MTA3: variants seen among roughly 807,000 people sequenced by gnomAD.
MTA3 encodes the protein metastasis-associated protein MTA3.
Under a neutral mutation model 83.5 loss-of-function variants are expected in MTA3, and 34 were observed. The ratio of observed to expected loss-of-function variants is 0.41; its 90% CI spans 0.31 to 0.54. The LOEUF is 0.54. MTA3 is among the 20% of genes least tolerant of loss of function. The pLI, the probability that MTA3 is intolerant of heterozygous loss-of-function variation, is 0.33. For synonymous variants in MTA3, 303 were observed against 252.7 expected, an observed-to-expected ratio of 1.20 and a Z score of -1.89; for missense variants, 761 against 726.4, an observed-to-expected ratio of 1.05 and a Z score of -0.55.
chr2:42,553,986 C>G (rs999410565), intron 2 of MTA3, among the ~76,000 whole-genome samples: 2 of 151,438 alleles, frequency 1.3e-5, no homozygotes, highest in African/African-American at 2.4e-5. Flanking sequence ...GTAATCCCAG[C>G]ACTTTGGGAG....
intron 8 of MTA3, among the ~76,000 whole-genome samples, chr2:42,662,689 C>G (rs1168741357): frequency 2.0e-5 from 3 of 151,456 alleles, no homozygotes; most frequent in African/African-American, 4.8e-5. Context: ...TTTTAAATGA[C>G]CTCCACCGCC....
At chr2:42,749,384 T>A (rs968443110) in intron 16 of MTA3, among the ~76,000 whole-genome samples, 1 of 152,220 alleles carries the variant, frequency 6.6e-6, no homozygotes, top group African/African-American at 2.4e-5. Context: ...GTCTCTCTTT[T>A]TTCTAGGTTC....
intron 2 of MTA3, among the ~76,000 whole-genome samples, chr2:42,512,146 T>G (rs1674935018): frequency 6.6e-6 from 1 of 151,584 alleles, no homozygotes; most frequent in African/African-American, 2.4e-5. Context: ...CTTTTTTTTT[T>G]GTTTTTGTTT....
intron 8 of MTA3, among the ~76,000 whole-genome samples, chr2:42,670,800 A>G (rs1690724939): frequency 6.6e-6 from 1 of 151,868 alleles, no homozygotes; most frequent in African/African-American, 2.4e-5. Context: ...TTCAGAATAA[A>G]TGTCCCTCTA....
In MTA3 at chr2:42,753,836, G is replaced by A. The variant is rs1168195258; in HGVS notation, c.*437G>A. On this transcript the variant is annotated 3_prime_UTR_variant, in exon 17 of 17. Coordinates refer to ENST00000405094, the MANE Select transcript of MTA3 (RefSeq NM_001330442.2). Reference sequence around the variant, plus strand: ...ACTAAATATGTACAGGAGGGCCATGGCATCTTTCTGAATGGATTTTTCTTA... The same window carrying A: ...ACTAAATATGTACAGGAGGGCCATGACATCTTTCTGAATGGATTTTTCTTA... 2.9e-5 allele frequency: 29 copies of A among 992,340 alleles called. 1 individual carries two copies. The highest frequency in any genetic ancestry group is 3.5e-5 in the Non-Finnish European group (29 of 834,632). 61.5% of individuals were successfully genotyped at this position (992,340 alleles called of 1,614,324 possible).
At chr2:42,646,802 A>G (rs1688231462) in intron 6 of MTA3, among the ~76,000 whole-genome samples, 1 of 152,130 alleles carries the variant, frequency 6.6e-6, no homozygotes, top group Admixed American at 6.5e-5. Context: ...GATTTGGAAT[A>G]TTATATAAAC....
chr2:42,709,325 A>G, intron 14 of MTA3: 1 of 1,341,396 alleles, frequency 7.5e-7, no homozygotes, highest in Non-Finnish European at 9.6e-7. Context: ...TTTACCAGAG[A>G]GTAGTGCTTA....
chr2:42,594,661 T>C (rs1681472266), intron 3 of MTA3, among the ~76,000 whole-genome samples: 1 of 136,886 alleles, frequency 7.3e-6, no homozygotes, highest in Non-Finnish European at 1.6e-5. Flanking sequence ...TAAATATATA[T>C]ATACACACAT....
intron 3 of MTA3, among the ~76,000 whole-genome samples, chr2:42,593,755 A>C (rs1681325168): frequency 6.6e-6 from 1 of 152,120 alleles, no homozygotes; most frequent in African/African-American, 2.4e-5. Context: ...ACTACAATGG[A>C]ACCTGTGAAT....
chr2:42,564,653 A>G (rs982435295), upstream of MTA3, among the ~76,000 whole-genome samples: 1 of 152,180 alleles, frequency 6.6e-6, no homozygotes, highest in African/African-American at 2.4e-5. Context: ...ACACGAACCA[A>G]CAAGATAAAG....
chr2:42,605,804 C>G (rs1357534440), intron 3 of MTA3, among the ~76,000 whole-genome samples: 1 of 128,724 alleles, frequency 7.8e-6, no homozygotes, highest in Non-Finnish European at 1.7e-5. Flanking sequence ...AGAGGCGCCC[C>G]TCAGCTCCCA....
At chr2:42,739,368 G>A (rs977300219) in intron 16 of MTA3, among the ~76,000 whole-genome samples, 3 of 151,320 alleles carry the variant, frequency 2.0e-5, no homozygotes, top group African/African-American at 7.3e-5. Flanking sequence ...ACACTATACT[G>A]TAGTCTATTA....
intron 14 of MTA3, chr2:42,709,370 G>C (rs1666406816): frequency 8.5e-7 from 1 of 1,174,994 alleles, no homozygotes; most frequent in African/African-American, 1.6e-5. Flanking sequence ...CTATTCCATG[G>C]GGTTTTGTGA....
rs1553396460 is a variant in MTA3 at position 42,724,277 on chromosome 2, A to AAAACACACAC, written c.1759+1243_1759+1244insAACACACACA. On this transcript the variant is annotated intron_variant, in intron 16 of 16. Transcript: ENST00000405094. ...AGAAGGTATAAAGTAAGTCCTGAAA[A>AAAACACACAC]ACACACACACACACACACACACACA... is the stretch of plus-strand genomic sequence containing the variant. Among the ~76,000 whole-genome samples the AAAACACACAC allele has an allele frequency of 3.4e-4, 25 of 73,176 alleles. 1 individual carries two copies. The highest frequency in any genetic ancestry group is 1.4e-3 in the African/African-American group (23 of 16,442). The allele number at this position is 73,176 out of a possible 152,430, so 48.0% of individuals were successfully genotyped here. A position where few individuals can be genotyped will look rare whatever the true frequency, so the allele number is the denominator to read the frequency against.
chr2:42,715,814 C>T lies in MTA3; in HGVS notation c.1526-3174C>T, dbSNP rs533956247. ...GCAGTTTTCCTTTGGGTCATCTAGA[C>T]TGGAATAAAAGGCAAATCTTATTAC... On this transcript the variant is annotated intron_variant, in intron 14 of 16. Coordinates refer to ENST00000405094, the MANE Select transcript of MTA3 (RefSeq NM_001330442.2). 4.6e-5 allele frequency among the ~76,000 whole-genome samples: 7 copies of T among 152,218 alleles called. No individual in the cohort carries two copies. The South Asian group carries it at 1.5e-3, about 32-fold the overall frequency.
At chr2:42,536,167 G>A (rs998365988) in intron 2 of MTA3, among the ~76,000 whole-genome samples, 4 of 149,316 alleles carry the variant, frequency 2.7e-5, no homozygotes, top group Admixed American at 6.7e-5. Flanking sequence ...GGTCTCCCCC[G>A]GGCCATATGA....
intron 6 of MTA3, among the ~76,000 whole-genome samples, chr2:42,654,236 T>C (rs998436069): frequency 1.3e-5 from 2 of 152,218 alleles, no homozygotes; most frequent in African/African-American, 4.8e-5. Flanking sequence ...AACAGTGGCC[T>C]GACTTAAGAG....
chr2:42,605,879 C>G (rs1262720948), intron 3 of MTA3, among the ~76,000 whole-genome samples: 1 of 124,344 alleles, frequency 8.0e-6, no homozygotes, highest in Non-Finnish European at 1.7e-5. Context: ...GGCGGTTGGC[C>G]GGGCAGAGGG....
At chr2:42,517,912 G>A (rs1283047791) in intron 2 of MTA3, among the ~76,000 whole-genome samples, 21 of 151,672 alleles carry the variant, frequency 1.4e-4, no homozygotes, top group South Asian at 6.3e-4. Flanking sequence ...GAGGCTGGGC[G>A]TGGTGGCTCA....
Sources: allele counts gnomAD v4.1 joint callset (sites outside exome capture counted in the v4.1 genomes callset), GRCh38; gene constraint gnomAD v4.1.1; transcripts MANE v1.5; gene names NCBI Gene and HGNC (gene_info 2026-07-23, HGNC 2026-07-21).